RAD51B: variants seen among roughly 807,000 people sequenced by gnomAD.
RAD51B encodes RAD51 paralog B.
In RAD51B, 38 loss-of-function variants were observed where a neutral mutation model predicts 42.2. That is an observed-to-expected ratio of 0.90 (90% CI 0.70 to 1.18). The LOEUF is 1.18. RAD51B is among the 50% of genes most tolerant of loss of function. RAD51B has a pLI of 0.00. For missense variants in RAD51B, 373 were observed against 400.7 expected, an observed-to-expected ratio of 0.93 and a Z score of 0.59; for synonymous variants, 154 against 145.2, an observed-to-expected ratio of 1.06 and a Z score of -0.43.
At chr14:68,218,566 T>C (rs2079861288) in intron 7 of RAD51B, among the ~76,000 whole-genome samples, 1 of 152,238 alleles carries the variant, frequency 6.6e-6, no homozygotes, top group Non-Finnish European at 1.5e-5. Flanking sequence ...TGATGTGGCA[T>C]TAGCATTGAT....
chr14:67,864,370 A>G (rs1476215419), intron 4 of RAD51B, among the ~76,000 whole-genome samples: 3 of 152,236 alleles, frequency 2.0e-5, no homozygotes, highest in East Asian at 3.8e-4. Flanking sequence ...CAAAGTAGGA[A>G]TCACCTAAAC....
At chr14:68,403,012 G>A (rs1208714217) in intron 8 of RAD51B, among the ~76,000 whole-genome samples, 1 of 152,176 alleles carries the variant, frequency 6.6e-6, no homozygotes, top group Admixed American at 6.5e-5. Flanking sequence ...CCAGCAGCTG[G>A]CCACAGGCTA....
At chr14:67,972,217 C>T (rs2074911803) in intron 7 of RAD51B, among the ~76,000 whole-genome samples, 2 of 151,802 alleles carry the variant, frequency 1.3e-5, no homozygotes, top group Admixed American at 6.6e-5. Flanking sequence ...AGATGAGTAG[C>T]TAGTTCTCTT....
intron 7 of RAD51B, among the ~76,000 whole-genome samples, chr14:68,288,357 A>G (rs1424262166): frequency 6.6e-6 from 1 of 152,232 alleles, no homozygotes; most frequent in Non-Finnish European, 1.5e-5. Flanking sequence ...TTTGGTTGCT[A>G]TGTATCCCTT....
intron 7 of RAD51B, among the ~76,000 whole-genome samples, chr14:68,104,119 T>A (rs916634539): frequency 6.6e-6 from 1 of 152,092 alleles, no homozygotes; most frequent in Admixed American, 6.6e-5. Flanking sequence ...AGTGAGAGAG[T>A]ATATGCAAGA....
chr14:68,581,500 C>CATCT (rs531662016), intron 10 of RAD51B, among the ~76,000 whole-genome samples: 19 of 152,050 alleles, frequency 1.2e-4, no homozygotes, highest in Non-Finnish European at 2.4e-4. Flanking sequence ...AGTCAAGGAG[C>CATCT]ATCTGTACAA....
At chr14:67,867,320 A>C (rs2042361821) in intron 5 of RAD51B, among the ~76,000 whole-genome samples, 1 of 152,220 alleles carries the variant, frequency 6.6e-6, no homozygotes, top group African/African-American at 2.4e-5. Context: ...GCTTAAACAA[A>C]AAGAGGTTTA....
At chr14:68,049,884 G>A (rs1253442609) in intron 7 of RAD51B, among the ~76,000 whole-genome samples, 1 of 152,118 alleles carries the variant, frequency 6.6e-6, no homozygotes, top group East Asian at 1.9e-4. Context: ...TGTCTTTTGA[G>A]GTCTTCTGTA....
intron 10 of RAD51B, 134 bp from the exon 11 acceptor site, chr14:68,477,513 TG>T: frequency 2.8e-6 from 3 of 1,079,676 alleles, no homozygotes; most frequent in Non-Finnish European, 3.9e-6. Flanking sequence ...GCAAGGCCAG[TG>T]GCTCTGTGGG....
chr14:68,176,491 C>T (rs2078964639), intron 7 of RAD51B, among the ~76,000 whole-genome samples: 1 of 152,124 alleles, frequency 6.6e-6, no homozygotes, highest in African/African-American at 2.4e-5. Context: ...CTCAGCTTTA[C>T]CAGCGACTTC....
chr14:68,507,890 A>G (rs1351406448), intron 10 of RAD51B, among the ~76,000 whole-genome samples: 2 of 152,204 alleles, frequency 1.3e-5, no homozygotes, highest in African/African-American at 4.8e-5. Context: ...GTTGGGTTCC[A>G]TGGAGCAGAG....
intron 7 of RAD51B, among the ~76,000 whole-genome samples, chr14:68,184,178 G>A (rs2079109972): frequency 6.6e-6 from 1 of 152,030 alleles, no homozygotes; most frequent in Non-Finnish European, 1.5e-5. Context: ...AGCTACTTGG[G>A]AGGCTGATGT....
chr14:68,328,593 A>G (rs914513241), intron 8 of RAD51B, among the ~76,000 whole-genome samples: 7 of 151,958 alleles, frequency 4.6e-5, no homozygotes, highest in Admixed American at 3.9e-4. Flanking sequence ...CAGAACTTCA[A>G]TTTTTCTTCT....
intron 10 of RAD51B, among the ~76,000 whole-genome samples, chr14:68,643,956 C>T (rs994989319): frequency 2.6e-5 from 4 of 152,180 alleles, no homozygotes; most frequent in Non-Finnish European, 5.9e-5. Flanking sequence ...CTTTGGGCTT[C>T]GCCTTCCCCA....
intron 7 of RAD51B, among the ~76,000 whole-genome samples, chr14:68,229,400 G>A (rs907343778): frequency 6.6e-6 from 1 of 152,164 alleles, no homozygotes; most frequent in African/African-American, 2.4e-5. Flanking sequence ...TGGATAAGAT[G>A]AGCCTCACAT....
chr14:68,171,968 A>G (rs8011527), intron 7 of RAD51B, among the ~76,000 whole-genome samples: 102,925 of 152,064 alleles, frequency 0.68, 39,125 homozygotes, highest in East Asian at 0.92. Context: ...CAGCCTCCCA[A>G]AGTGCTGGGA....
intron 9 of RAD51B, among the ~76,000 whole-genome samples, chr14:68,425,902 T>C (rs1566876260): frequency 6.6e-6 from 1 of 151,842 alleles, no homozygotes; most frequent in Non-Finnish European, 1.5e-5. Context: ...GTGATCAGAA[T>C]GTTAGTAGAA....
chr14:68,416,548 CGAA>C (rs2084565349), intron 9 of RAD51B, among the ~76,000 whole-genome samples: 2 of 152,262 alleles, frequency 1.3e-5, no homozygotes, highest in South Asian at 4.1e-4. Flanking sequence ...GTCTGAAGGA[CGAA>C]GGACTGCTTA....
At chr14:67,869,587 G>A (rs1342238129) in intron 5 of RAD51B, among the ~76,000 whole-genome samples, 9 of 151,974 alleles carry the variant, frequency 5.9e-5, no homozygotes, top group South Asian at 2.1e-4. Flanking sequence ...TACAGAGAAC[G>A]CCACAAAGAT....
Sources: allele counts gnomAD v4.1 joint callset (sites outside exome capture counted in the v4.1 genomes callset), GRCh38; gene constraint gnomAD v4.1.1; transcripts MANE v1.5; gene names NCBI Gene and HGNC (gene_info 2026-07-23, HGNC 2026-07-21).